The following CCDC186 variants were observed in gnomAD, a reference collection of about 807,000 sequenced individuals.
The protein encoded by CCDC186 is coiled-coil domain containing 186.
Under a neutral mutation model 113.7 loss-of-function variants are expected in CCDC186, and 49 were observed. The observed-to-expected ratio is 0.43, with a 90% CI of 0.34 to 0.55. The LOEUF (loss-of-function observed/expected upper bound fraction) is 0.55, where lower values mean the gene tolerates loss of function less well. Ranked by LOEUF, CCDC186 falls within the 20% of genes least tolerant of loss-of-function variation. The probability of loss-of-function intolerance (pLI) is 0.02; values close to 1 mark genes in which losing one functional copy is unlikely to be tolerated. For missense variants in CCDC186, 890 were observed against 1,011.1 expected (o/e 0.88, Z 1.62); for synonymous variants, 355 against 345.8 (o/e 1.03, Z -0.30).
intron 10 of CCDC186, among the ~76,000 whole-genome samples, chr10:114,134,402 GA>G (rs2119710367): frequency 6.6e-6 from 1 of 152,160 alleles, no homozygotes; most frequent in East Asian, 1.9e-4. Flanking sequence ...TGATGGTAAG[GA>G]TTTTTTTAGC....
intron 2 of CCDC186, among the ~76,000 whole-genome samples, chr10:114,159,962 C>G (rs1336032998): frequency 6.6e-6 from 1 of 151,578 alleles, no homozygotes; most frequent in Non-Finnish European, 1.5e-5. Flanking sequence ...GACCCTATCT[C>G]AAAAAAATAA....
intron 3 of CCDC186, among the ~76,000 whole-genome samples, chr10:114,156,054 G>A (rs2032001238): frequency 6.6e-6 from 1 of 152,198 alleles, no homozygotes; most frequent in Non-Finnish European, 1.5e-5. Context: ...TCGGTCTGAA[G>A]TTTCTGGTCA....
intron 6 of CCDC186, among the ~76,000 whole-genome samples, chr10:114,137,591 G>A (rs183062283): frequency 2.0e-4 from 31 of 152,230 alleles, no homozygotes; most frequent in African/African-American, 6.7e-4. Context: ...TTTGGTTTAC[G>A]GCTGTGGTAT....
intron 4 of CCDC186, among the ~76,000 whole-genome samples, chr10:114,149,645 ATGCG>A (rs2031765534): frequency 9.5e-6 from 1 of 105,310 alleles, no homozygotes. Flanking sequence ...AGGGGAGGGA[ATGCG>A]AAGGAAGGAA....
rs927968591 is a variant in CCDC186, at chr10:114,124,930, A to T, written c.*213T>A. ...ATTCAATGACAGGCTGTCATATTGC[A>T]CCATACAAAAACAAATTTCATCAAA... On this transcript the variant is annotated 3_prime_UTR_variant, in exon 16 of 16. Coordinates refer to ENST00000369287, the MANE Select transcript of CCDC186 (RefSeq NM_018017.4). 5 of 418,822 alleles carry T rather than the reference A, an allele frequency of 1.2e-5. No homozygotes were observed. The highest frequency in any genetic ancestry group is 2.1e-5 in the Non-Finnish European group (5 of 236,902). The allele number at this position is 418,822 out of a possible 1,614,324, so 25.9% of individuals were successfully genotyped here.
chr10:114,157,543 G>C lies in CCDC186; in HGVS notation c.759+11C>G. On this transcript the variant is annotated intron_variant, in intron 3 of 15. Coordinates refer to ENST00000369287, the MANE Select transcript of CCDC186 (RefSeq NM_018017.4). ...TGAAGTATAGTCTTCGAAGATTTTT[G>C]TCTTTTTTACCTGTTTAATTGTGTT... is the stretch of plus-strand genomic sequence containing the variant. 6.3e-7 allele frequency: 1 copy of C among 1,578,764 alleles called. No individual in the cohort carries two copies. The highest frequency in any genetic ancestry group is 1.7e-4 in the Middle Eastern group (1 of 5,786).
In CCDC186 at chr10:114,137,307, C is replaced by CAG. The variant is rs756772312; in HGVS notation, c.1222-19_1222-18dup. ...TTTGGTTTCCTGCATTGACAAAAGA[C>CAG]AGAGACACAGTTGGGTACAGCAACG... On this transcript the variant is annotated splice_polypyrimidine_tract_variant and intron_variant, in intron 6 of 15. Transcript: ENST00000369287. 6.3e-7 allele frequency: 1 copy of CAG among 1,589,060 alleles called. No individual in the cohort carries two copies. The highest frequency in any genetic ancestry group is 8.6e-7 in the Non-Finnish European group (1 of 1,158,594).
intron 2 of CCDC186, among the ~76,000 whole-genome samples, chr10:114,160,566 C>A (rs1452655645): frequency 6.6e-6 from 1 of 151,982 alleles, no homozygotes. Flanking sequence ...GTGATGTGAC[C>A]GATGTGGTAA....
chr10:114,145,129 A>G (rs2119771280), intron 5 of CCDC186, among the ~76,000 whole-genome samples: 1 of 152,260 alleles, frequency 6.6e-6, no homozygotes, highest in African/African-American at 2.4e-5. Flanking sequence ...AGAAAAACAT[A>G]AATTTTCTTC....
At chr10:114,127,037 T>C (rs1357191675) in intron 14 of CCDC186, among the ~76,000 whole-genome samples, 1 of 151,860 alleles carries the variant, frequency 6.6e-6, no homozygotes, top group African/African-American at 2.4e-5. Context: ...AAGCAATCAA[T>C]GAGATACCGC....
chr10:114,166,160 G>A (rs760323390), intron 1 of CCDC186, among the ~76,000 whole-genome samples: 12 of 152,172 alleles, frequency 7.9e-5, no homozygotes, highest in East Asian at 7.7e-4. Flanking sequence ...ACCATTTCAC[G>A]TTTATACCCA....
Position 114,145,593 on chromosome 10 carries a change from G to C in CCDC186, c.1057C>G (p.Leu353Val), listed in dbSNP as rs2031610836. 6.2e-7 allele frequency: 1 copy of C among 1,612,200 alleles called. No individual in the cohort carries two copies. The change falls in exon 5 of 16, where the codon CTT becomes GTT. Residue 353 changes from leucine to valine, a missense_variant. Transcript: ENST00000369287. The stretch of plus-strand genomic sequence containing the variant: ...TGCAACCGTCCTTTCTCCTGAGAAA[G>C]CTGCTTAATTTTGTTAGTGTTTTTC... Reference protein sequence around the residue: ...LEKNTNKIKQLSQEKGRLHQL... With the variant: ...LEKNTNKIKQVSQEKGRLHQL...
At chr10:114,146,714 T>TA (rs1466627086) in intron 4 of CCDC186, among the ~76,000 whole-genome samples, 1 of 152,248 alleles carries the variant, frequency 6.6e-6, no homozygotes. Flanking sequence ...ACATTTAATT[T>TA]ACAAAAGATA....
Position 114,151,045 on chromosome 10 carries a change from G to A in CCDC186, c.888+47C>T, listed in dbSNP as rs200174763. On this transcript the variant is annotated intron_variant, in intron 4 of 15. Transcript: ENST00000369287. ...AGTGTTAGCTTATTTTAACAAACAA[G>A]AGTCACCAGAATATCAAGTTAATAA... 229 of 1,599,224 alleles carry A rather than the reference G, an allele frequency of 1.4e-4. No homozygotes were observed. In the East Asian group the frequency reaches 4.9e-3, roughly 34 times the overall value.
intron 2 of CCDC186, among the ~76,000 whole-genome samples, chr10:114,159,627 C>T (rs1263926316): frequency 3.3e-5 from 4 of 121,312 alleles, no homozygotes; most frequent in Admixed American, 1.1e-4. Flanking sequence ...AGTGACAGAG[C>T]GAGACTCCGT....
chr10:114,122,151 A>T lies in CCDC186; in HGVS notation c.*2992T>A, dbSNP rs1456110699. On this transcript the variant is annotated 3_prime_UTR_variant, in exon 16 of 16. Transcript: ENST00000369287. The stretch of plus-strand genomic sequence containing the variant: ...TAGACCATGAACTCCATGAGGATGG[A>T]AATGCCCTGGTCTGCTCACTAGTAT... 1 of 152,170 alleles carries T rather than the reference A, an allele frequency of 6.6e-6. No individual in the cohort carries two copies. Among genetic ancestry groups the T allele is most frequent in the Non-Finnish European group, 1.5e-5 (1 of 68,044 alleles). 9.4% of individuals were successfully genotyped at this position (152,170 alleles called of 1,614,324 possible).
intron 9 of CCDC186, 113 bp downstream of exon 9, chr10:114,135,778 T>G (rs2031239184): frequency 1.2e-6 from 1 of 841,238 alleles, no homozygotes; most frequent in Non-Finnish European, 1.8e-6. Context: ...AGTTCCTTTA[T>G]TATGGAACAT....
chr10:114,163,831 T>C (rs550463915), intron 1 of CCDC186, among the ~76,000 whole-genome samples: 1 of 152,050 alleles, frequency 6.6e-6, no homozygotes, highest in East Asian at 1.9e-4. Flanking sequence ...GAAACCTAAA[T>C]AACAAGACAC....
chr10:114,149,619 G>GAAGGA (rs1564912726), intron 4 of CCDC186, among the ~76,000 whole-genome samples: 15 of 28,412 alleles, frequency 5.3e-4, no homozygotes, highest in Admixed American at 7.8e-4. Context: ...GAAGGGAAGG[G>GAAGGA]AAGGAAAGGG....
Sources: gnomAD v4.1 joint callset for allele counts (sites outside exome capture counted in the v4.1 genomes callset) on GRCh38, gnomAD v4.1.1 for gene constraint, MANE v1.5 for transcripts, NCBI Gene and HGNC (gene_info 2026-07-23, HGNC 2026-07-21) for gene names.